Variants in ARFGEF3 observed in about 807,000 individuals in gnomAD.
ARFGEF3 encodes brefeldin A-inhibited guanine nucleotide-exchange protein 3.
A neutral mutation model predicts 221.7 loss-of-function variants in ARFGEF3; 96 were observed. The observed-to-expected ratio is 0.43, with a 90% CI of 0.37 to 0.51. ARFGEF3 has a LOEUF of 0.51. Among genes scored for constraint, ARFGEF3 ranks in the 20% least tolerant of loss-of-function variants. The pLI is 0.00. For synonymous variants in ARFGEF3, 1,145 were observed against 1,126.8 expected (o/e 1.02, Z -0.32); for missense variants, 2,410 against 2,789.9 (o/e 0.86, Z 3.07).
chr6:138,181,851 C>T (rs1171979950), intron 2 of ARFGEF3, among the ~76,000 whole-genome samples: 3 of 152,174 alleles, frequency 2.0e-5, no homozygotes, highest in African/African-American at 7.2e-5. Context: ...TCCCAAATTT[C>T]CTGCTTTCGT....
chr6:138,186,505 T>G (rs1777185758), intron 2 of ARFGEF3, among the ~76,000 whole-genome samples: 1 of 152,194 alleles, frequency 6.6e-6, no homozygotes, highest in Non-Finnish European at 1.5e-5. Context: ...GCAGGTCTGG[T>G]CCTTTTTGTC....
At chr6:138,193,989 T>C (rs1333418366) in intron 2 of ARFGEF3, among the ~76,000 whole-genome samples, 5 of 152,154 alleles carry the variant, frequency 3.3e-5, no homozygotes, top group Non-Finnish European at 5.9e-5. Context: ...AAAAAGACGA[T>C]GGAGCCGGAC....
At chr6:138,304,430 G>T (rs1051329277) in intron 22 of ARFGEF3, among the ~76,000 whole-genome samples, 1 of 152,100 alleles carries the variant, frequency 6.6e-6, no homozygotes, top group Non-Finnish European at 1.5e-5. Context: ...TTGTGGTGAT[G>T]TTTGCACATT....
intron 32 of ARFGEF3, among the ~76,000 whole-genome samples, chr6:138,329,183 G>C (rs558353073): frequency 2.0e-5 from 3 of 152,138 alleles, no homozygotes; most frequent in Admixed American, 6.5e-5. Flanking sequence ...TGAAGATGAA[G>C]GCAATGACCA....
intron 2 of ARFGEF3, among the ~76,000 whole-genome samples, chr6:138,176,693 G>A (rs1435413328): frequency 6.6e-6 from 1 of 151,466 alleles, no homozygotes; most frequent in Non-Finnish European, 1.5e-5. Context: ...TTAATCCTTT[G>A]ATTGCTTTAT....
intron 5 of ARFGEF3, among the ~76,000 whole-genome samples, chr6:138,233,303 T>C (rs1562362364): frequency 6.6e-6 from 1 of 152,112 alleles, no homozygotes; most frequent in African/African-American, 2.4e-5. Flanking sequence ...CAGTTCTAAT[T>C]TAACAGTTCT....
At chr6:138,207,195 T>C in intron 3 of ARFGEF3, 72 bp downstream of exon 3, 1 of 1,126,164 alleles carries the variant, frequency 8.9e-7, no homozygotes, top group Non-Finnish European at 1.3e-6. Flanking sequence ...GGGCAAATAG[T>C]TAACATTTTA....
At position 138,262,872 on chromosome 6, in the gene ARFGEF3, T is replaced by C; in HGVS notation, c.1389T>C (p.Asp463=). 6.2e-7 allele frequency: 1 copy of C among 1,613,854 alleles called. No individual in the cohort carries two copies. ...TTCTGCGCCTTGAGGAGCTGAAGGA[T>C]GGGGCTGAGTGGAGCCGAGATTCCA... ...LLLLRLEELK[D]GAEWSRDSME... is the part of the protein sequence containing the mutation. The change falls in exon 12 of 34, where the codon GAT becomes GAC. Residue 463 remains aspartate, a synonymous_variant. Coordinates refer to ENST00000251691, the MANE Select transcript of ARFGEF3 (RefSeq NM_020340.5).
At chr6:138,327,921 A>G in intron 31 of ARFGEF3, 100 bp from the exon 32 acceptor site, 2 of 872,286 alleles carry the variant, frequency 2.3e-6, no homozygotes, top group Non-Finnish European at 3.5e-6. Flanking sequence ...TCCTCATTTT[A>G]TAGATGAGGC....
rs928968645 is a variant in ARFGEF3 at position 138,199,961 on chromosome 6, A to G, written c.138-7081A>G. On this transcript the variant is annotated intron_variant, in intron 2 of 33. Transcript: ENST00000251691. ...GCATCCTTATCTTGTTCCAGCTCTC[A>G]GAGGGAATGCTTTCAACTTTTAGCC... Among the ~76,000 whole-genome samples the G allele has an allele frequency of 1.1e-4, 16 of 152,300 alleles. 1 individual carries two copies. Among genetic ancestry groups the G allele is most frequent in the Admixed American group, 2.6e-4 (4 of 15,292 alleles).
intron 21 of ARFGEF3, among the ~76,000 whole-genome samples, chr6:138,297,648 A>G (rs1157950942): frequency 6.6e-6 from 1 of 152,232 alleles, no homozygotes; most frequent in Non-Finnish European, 1.5e-5. Flanking sequence ...AGTAAGCAAA[A>G]TGGGTAGAAA....
chr6:138,175,088 A>G (rs1242278863), intron 2 of ARFGEF3, among the ~76,000 whole-genome samples: 1 of 152,218 alleles, frequency 6.6e-6, no homozygotes, highest in Non-Finnish European at 1.5e-5. Context: ...GTCAAGAGAC[A>G]TTACTTATTT....
chr6:138,263,202 C>T lies in ARFGEF3; in HGVS notation c.1719C>T (p.Asp573=). 1.9e-6 allele frequency: 3 copies of T among 1,614,032 alleles called. No homozygotes were observed. Among genetic ancestry groups the T allele is most frequent in the Middle Eastern group, 1.6e-4 (1 of 6,062 alleles). The change falls in exon 12 of 34, where the codon GAC becomes GAT. Residue 573 remains aspartate, a synonymous_variant. Transcript: ENST00000251691. The stretch of plus-strand genomic sequence containing the variant: ...GAAGCCACACGGTCCCTTACCCTGA[C>T]ATAACTAACTTCCTGTCAGTAGACT... ...VQRSHTVPYP[D]ITNFLSVDCR... is the part of the protein sequence containing the mutation.
intron 22 of ARFGEF3, among the ~76,000 whole-genome samples, chr6:138,300,680 C>T (rs1308486175): frequency 2.0e-5 from 3 of 151,966 alleles, no homozygotes; most frequent in Non-Finnish European, 4.4e-5. Context: ...ACTTTTGCAC[C>T]AACATAATAA....
intron 5 of ARFGEF3, among the ~76,000 whole-genome samples, chr6:138,234,652 C>A (rs1046000490): frequency 5.3e-5 from 8 of 152,080 alleles, no homozygotes; most frequent in Non-Finnish European, 1.5e-5. Flanking sequence ...ACAGTGAGAG[C>A]CAAGATTTTC....
At position 138,229,861 on chromosome 6, in the gene ARFGEF3, T is replaced by C; in HGVS notation, c.420+9T>C. ...TGCTGAAGATCGCGGAGGTGAGTAC[T>C]GCTTGTGTCTGTGCCTCCTGTTCAC... On this transcript the variant is annotated intron_variant, in intron 5 of 33. Coordinates refer to ENST00000251691, the MANE Select transcript of ARFGEF3 (RefSeq NM_020340.5). 1.2e-6 allele frequency: 2 copies of C among 1,611,734 alleles called. No individual in the cohort carries two copies. The highest frequency in any genetic ancestry group is 1.3e-5 in the African/African-American group (1 of 74,994).
chr6:138,331,938 G>A (rs1192641188), intron 32 of ARFGEF3, among the ~76,000 whole-genome samples: 2 of 151,814 alleles, frequency 1.3e-5, no homozygotes, highest in Non-Finnish European at 2.9e-5. Context: ...CACACCTAAG[G>A]TAAAGGGAAT....
intron 5 of ARFGEF3, among the ~76,000 whole-genome samples, chr6:138,237,025 C>G (rs563591476): frequency 7.1e-6 from 1 of 140,806 alleles, no homozygotes; most frequent in South Asian, 2.3e-4. Context: ...ATACAGTTTT[C>G]AGTTTCAAAT....
chr6:138,229,146 G>T (rs1408261747), intron 4 of ARFGEF3, among the ~76,000 whole-genome samples: 5 of 152,218 alleles, frequency 3.3e-5, no homozygotes, highest in Admixed American at 6.5e-5. Context: ...AATTGCAAGA[G>T]GGAAGAGGAA....
Sources: allele counts gnomAD v4.1 joint callset (sites outside exome capture counted in the v4.1 genomes callset), GRCh38; gene constraint gnomAD v4.1.1; transcripts MANE v1.5; gene names NCBI Gene and HGNC (gene_info 2026-07-23, HGNC 2026-07-21).